ANGPT1: variants seen among roughly 807,000 people sequenced by gnomAD.
ANGPT1 encodes angiopoietin 1.
ANGPT1 carries 17 observed loss-of-function variants against 62.2 expected under a neutral mutation model. The ratio of observed to expected loss-of-function variants is 0.27; its 90% confidence interval spans 0.19 to 0.41. The LOEUF is 0.41. Among genes scored for constraint, ANGPT1 ranks in the 10% least tolerant of loss-of-function variants. ANGPT1 has a pLI of 1.00. For synonymous variants in ANGPT1, 199 were observed against 198.9 expected (o/e 1.00, Z 0.00); for missense variants, 478 against 594.9 (o/e 0.80, Z 2.04).
At chr8:107,423,827 C>CTTTTTTTTTTTTTTTTTTTTTTT (rs869079818) in intron 1 of ANGPT1, among the ~76,000 whole-genome samples, 1 of 74,436 alleles carries the variant, frequency 1.3e-5, no homozygotes, top group African/African-American at 5.7e-5. Context: ...CTTTTCCTTT[C>CTTTTTTTTTTTTTTTTTTTTTTT]TTTTTTTTTT....
At chr8:107,330,511 T>G in intron 3 of ANGPT1, among the ~76,000 whole-genome samples, 1 of 152,206 alleles carries the variant, frequency 6.6e-6, no homozygotes, top group East Asian at 1.9e-4. Context: ...TTGAACTCTC[T>G]TCTATCAGTT....
chr8:107,257,880 C>CTTTTTTTTTTTTTTT (rs1813399177), intron 8 of ANGPT1, among the ~76,000 whole-genome samples: 1 of 115,818 alleles, frequency 8.6e-6, no homozygotes, highest in Non-Finnish European at 1.8e-5. Flanking sequence ...GTTTTTGTTT[C>CTTTTTTTTTTTTTTT]TTTTTTGTTT....
At chr8:107,485,307 G>A (rs529784767) in intron 1 of ANGPT1, among the ~76,000 whole-genome samples, 2 of 152,256 alleles carry the variant, frequency 1.3e-5, no homozygotes, top group African/African-American at 4.8e-5. Context: ...AATAGGTTTT[G>A]GTTTACCTCG....
chr8:107,496,022 A>T (rs1813084501), intron 1 of ANGPT1, among the ~76,000 whole-genome samples: 1 of 152,232 alleles, frequency 6.6e-6, no homozygotes, highest in African/African-American at 2.4e-5. Context: ...AATAACTATT[A>T]CTTGGCATGA....
chr8:107,318,210 A>G (rs375356587), intron 4 of ANGPT1, among the ~76,000 whole-genome samples: 1 of 152,244 alleles, frequency 6.6e-6, no homozygotes, highest in Non-Finnish European at 1.5e-5. Flanking sequence ...CAGAAGCCTT[A>G]CAAAGTGGAT....
At chr8:107,461,944 G>C (rs1812082612) in intron 1 of ANGPT1, among the ~76,000 whole-genome samples, 2 of 152,084 alleles carry the variant, frequency 1.3e-5, no homozygotes, top group South Asian at 4.1e-4. Flanking sequence ...GGAAGTGTCA[G>C]TTTAGTAAAC....
intron 7 of ANGPT1, among the ~76,000 whole-genome samples, chr8:107,271,716 G>C (rs1166672828): frequency 6.6e-6 from 1 of 151,834 alleles, no homozygotes; most frequent in Non-Finnish European, 1.5e-5. Flanking sequence ...ATGTAGTTAA[G>C]ATCTATGTTA....
rs563052226 is a variant in ANGPT1 at position 107,288,767 on chromosome 8, G to A, written c.1039-3919C>T. Among the ~76,000 whole-genome samples, 10 of 152,182 alleles carry A rather than the reference G, an allele frequency of 6.6e-5. No individual in the cohort carries two copies. The South Asian group carries it at 1.7e-3, about 25-fold the overall frequency. ...CATCTTCATACTGAGGTCCCTATAG[G>A]GAGGCAAATTTTGATTACATGTCTG... On this transcript the variant is annotated intron_variant, in intron 6 of 8. Coordinates refer to ENST00000517746, the MANE Select transcript of ANGPT1 (RefSeq NM_001146.5).
At chr8:107,337,289 T>A (rs150105678) in intron 2 of ANGPT1, among the ~76,000 whole-genome samples, 1 of 152,224 alleles carries the variant, frequency 6.6e-6, no homozygotes, top group Non-Finnish European at 1.5e-5. Context: ...AGAACCCAGA[T>A]TGTATGAGAG....
chr8:107,267,394 G>C (rs1290801099), intron 7 of ANGPT1, among the ~76,000 whole-genome samples: 1 of 152,024 alleles, frequency 6.6e-6, no homozygotes, highest in Non-Finnish European at 1.5e-5. Context: ...TAGGTATATA[G>C]GTATAGGTAT....
intron 1 of ANGPT1, among the ~76,000 whole-genome samples, chr8:107,465,704 A>T (rs1410406356): frequency 6.6e-6 from 1 of 152,072 alleles, no homozygotes; most frequent in East Asian, 1.9e-4. Context: ...GATTATAGCC[A>T]TATGCTAGGA....
At chr8:107,308,140 T>C (rs12114634) in intron 4 of ANGPT1, among the ~76,000 whole-genome samples, 5,561 of 152,176 alleles carry the variant, frequency 0.037, 324 homozygotes, top group African/African-American at 0.13. Flanking sequence ...TCCTAGGCAA[T>C]GGAGATACAG....
rs147398929 is a variant in ANGPT1, at chr8:107,386,799, C to G, written c.298-39702G>C. On this transcript the variant is annotated intron_variant, in intron 1 of 8. Coordinates refer to ENST00000517746, the MANE Select transcript of ANGPT1 (RefSeq NM_001146.5). The stretch of plus-strand genomic sequence containing the variant: ...CTATTATTATACACTAACACAGTCT[C>G]GAAGTCAGTAACTAGTTAATACAAT... Among the ~76,000 whole-genome samples, 177 of 152,142 alleles carry G rather than the reference C, an allele frequency of 1.2e-3. 1 individual carries two copies. The highest frequency in any genetic ancestry group is 4.1e-3 in the South Asian group (20 of 4,820).
At chr8:107,406,899 A>G (rs72672599) in intron 1 of ANGPT1, among the ~76,000 whole-genome samples, 44 of 150,704 alleles carry the variant, frequency 2.9e-4, no homozygotes, top group South Asian at 2.3e-3. Flanking sequence ...AAAAAAAAAA[A>G]GCAATTCTAC....
intron 1 of ANGPT1, among the ~76,000 whole-genome samples, chr8:107,370,341 A>AGAAAGAAAGAAAGAAAGAAAG: frequency 7.1e-4 from 1 of 1,404 alleles, no homozygotes; most frequent in South Asian, 0.028. Context: ...AAAGAAAGAA[A>AGAAAGAAAGAAAGAAAGAAAG]AAGAAAGAAA....
At chr8:107,471,998 T>C (rs545961396) in intron 1 of ANGPT1, among the ~76,000 whole-genome samples, 2 of 152,222 alleles carry the variant, frequency 1.3e-5, no homozygotes, top group African/African-American at 2.4e-5. Flanking sequence ...ATTTACTTAT[T>C]ATGTCTCTTT....
intron 1 of ANGPT1, among the ~76,000 whole-genome samples, chr8:107,388,440 TAA>T (rs1419705631): frequency 1.3e-5 from 2 of 151,844 alleles, no homozygotes; most frequent in Non-Finnish European, 1.5e-5. Flanking sequence ...TAAAAATAAA[TAA>T]ATAAATAAAT....
At chr8:107,295,387 A>C (rs1814388331) in intron 5 of ANGPT1, 1 of 152,256 alleles carries the variant, frequency 6.6e-6, no homozygotes, top group South Asian at 2.1e-4. Context: ...CTCGAGCTAC[A>C]CTTTTATTTT....
chr8:107,480,358 A>G (rs564096521), intron 1 of ANGPT1, among the ~76,000 whole-genome samples: 1 of 152,348 alleles, frequency 6.6e-6, no homozygotes, highest in African/African-American at 2.4e-5. Flanking sequence ...TTAAAACAAC[A>G]TAAATTCTGC....
Sources: allele counts gnomAD v4.1 joint callset (sites outside exome capture counted in the v4.1 genomes callset), GRCh38; gene constraint gnomAD v4.1.1; transcripts MANE v1.5; gene names NCBI Gene and HGNC (gene_info 2026-07-23, HGNC 2026-07-21).